Variants in MCC observed in about 807,000 individuals in gnomAD.
The protein encoded by MCC is colorectal mutant cancer protein.
In MCC, 90 loss-of-function variants were observed where a neutral mutation model predicts 116.2. That is an observed-to-expected ratio of 0.77 (90% CI 0.65 to 0.92). The LOEUF is 0.92. Ranked by LOEUF, MCC falls within the 40% of genes least tolerant of loss-of-function variation. MCC has a pLI of 0.00. For synonymous variants in MCC, 578 were observed against 510.5 expected (o/e 1.13, Z -1.78); for missense variants, 1,516 against 1,312.2 (o/e 1.16, Z -2.40).
chr5:113,122,931 A>G (rs1757824348), intron 5 of MCC, 105 bp from the exon 6 acceptor site: 1 of 1,207,054 alleles, frequency 8.3e-7, no homozygotes, highest in East Asian at 2.4e-5. Flanking sequence ...GAGAAAACAG[A>G]TTTCTCCCCC....
chr5:113,421,127 G>A (rs1024822083), intron 1 of MCC, among the ~76,000 whole-genome samples: 3 of 151,898 alleles, frequency 2.0e-5, no homozygotes, highest in Non-Finnish European at 4.4e-5. Flanking sequence ...AGGTTCAAGC[G>A]AGTCTCCTGC....
chr5:113,393,903 G>C (rs1339662861), intron 1 of MCC, among the ~76,000 whole-genome samples: 2 of 152,182 alleles, frequency 1.3e-5, no homozygotes, highest in East Asian at 1.9e-4. Context: ...TGCTATCTTA[G>C]AGTCATATCC....
intron 14 of MCC, among the ~76,000 whole-genome samples, chr5:113,056,753 A>C (rs1007327701): frequency 6.6e-6 from 1 of 152,242 alleles, no homozygotes; most frequent in Non-Finnish European, 1.5e-5. Flanking sequence ...AGAAATGTTT[A>C]CAACAGTGCC....
intron 3 of MCC, among the ~76,000 whole-genome samples, chr5:113,207,227 C>T (rs952472206): frequency 1.3e-5 from 2 of 152,122 alleles, no homozygotes; most frequent in African/African-American, 2.4e-5. Flanking sequence ...AGTTATGCAA[C>T]GGTGGGCAAA....
chr5:113,024,249 T>C lies in MCC; in HGVS notation c.*3053A>G, dbSNP rs1750371569. The C allele has an allele frequency of 6.6e-6, 1 of 152,222 alleles. No individual in the cohort carries two copies. Among genetic ancestry groups the C allele is most frequent in the Non-Finnish European group, 1.5e-5 (1 of 68,028 alleles). The allele number at this position is 152,222 out of a possible 1,614,324, so 9.4% of individuals were successfully genotyped here. ...AGTGCTAGTTAAACATAACATTTGT[T>C]TCAGGCAGCATGGATATTAACTTCA... On this transcript the variant is annotated 3_prime_UTR_variant, in exon 19 of 19. Coordinates refer to ENST00000408903, the MANE Select transcript of MCC (RefSeq NM_001085377.2).
chr5:113,475,540 T>C (rs1411049432), intron 1 of MCC, among the ~76,000 whole-genome samples: 1 of 152,224 alleles, frequency 6.6e-6, no homozygotes, highest in African/African-American at 2.4e-5. Context: ...AACTGGCATT[T>C]TGAAATGACA....
intron 3 of MCC, among the ~76,000 whole-genome samples, chr5:113,197,636 A>G (rs56342314): frequency 0.24 from 36,962 of 152,172 alleles, 4,657 homozygotes; most frequent in African/African-American, 0.29. Context: ...ACAACTACTG[A>G]TGGCATCAAA....
intron 3 of MCC, among the ~76,000 whole-genome samples, chr5:113,177,798 A>G (rs1413472661): frequency 6.6e-6 from 1 of 152,190 alleles, no homozygotes; most frequent in Non-Finnish European, 1.5e-5. Flanking sequence ...AAGTGGGTAC[A>G]CAGTCTTCAT....
intron 3 of MCC, among the ~76,000 whole-genome samples, chr5:113,243,308 A>G (rs1017863236): frequency 1.3e-5 from 2 of 152,178 alleles, no homozygotes; most frequent in Admixed American, 6.5e-5. Context: ...TTATTAAAAG[A>G]AACAATTACT....
At chr5:113,210,757 G>T (rs535984471) in intron 3 of MCC, among the ~76,000 whole-genome samples, 174 of 152,308 alleles carry the variant, frequency 1.1e-3, no homozygotes, top group African/African-American at 4.0e-3. Flanking sequence ...AATTTACTTT[G>T]AAAGAGTGTT....
intron 8 of MCC, among the ~76,000 whole-genome samples, chr5:113,097,001 G>A (rs6874220): frequency 6.6e-6 from 1 of 151,994 alleles, no homozygotes; most frequent in South Asian, 2.1e-4. Flanking sequence ...ACAGGACTTG[G>A]TTTTACAGAA....
chr5:113,077,542 G>A (rs1214618883), intron 11 of MCC, among the ~76,000 whole-genome samples: 1 of 152,164 alleles, frequency 6.6e-6, no homozygotes, highest in Admixed American at 6.5e-5. Flanking sequence ...TGAACAACCT[G>A]CTCCTGAATG....
chr5:113,230,033 A>C (rs1763885842), intron 3 of MCC, among the ~76,000 whole-genome samples: 1 of 152,198 alleles, frequency 6.6e-6, no homozygotes, highest in Non-Finnish European at 1.5e-5. Flanking sequence ...GTGTAGTCAA[A>C]GGATGGAAGC....
At chr5:113,038,402 GTTA>G (rs1186500594) in intron 17 of MCC, among the ~76,000 whole-genome samples, 1 of 152,138 alleles carries the variant, frequency 6.6e-6, no homozygotes, top group Non-Finnish European at 1.5e-5. Flanking sequence ...GGGACTGAGG[GTTA>G]AGGAGGGGAG....
intron 3 of MCC, among the ~76,000 whole-genome samples, chr5:113,316,171 G>A (rs374531008): frequency 7.3e-5 from 11 of 150,968 alleles, no homozygotes; most frequent in African/African-American, 2.0e-4. Flanking sequence ...CAGGAGAATC[G>A]CTTGAACCCA....
chr5:113,085,179 G>A lies in MCC; in HGVS notation c.1530C>T (p.Asp510=). 1 of 1,614,220 alleles carries A rather than the reference G, an allele frequency of 6.2e-7. No individual in the cohort carries two copies. Among genetic ancestry groups the A allele is most frequent in the Non-Finnish European group, 8.5e-7 (1 of 1,180,040 alleles). ...AGGAACTCACCTTGGCGATGGGAAT[G>A]TCATTGCTGCTGCTGCTTGTGCTCA... is the stretch of plus-strand genomic sequence containing the variant. ...GELSTSSSSN[D]IPIAKIAERV... The change falls in exon 9 of 19, where the codon GAC becomes GAT. Residue 510 remains aspartate, a synonymous_variant. Coordinates refer to ENST00000408903, the MANE Select transcript of MCC (RefSeq NM_001085377.2).
At chr5:113,068,694 TGTC>T (rs1753802534) in intron 12 of MCC, among the ~76,000 whole-genome samples, 1 of 152,358 alleles carries the variant, frequency 6.6e-6, no homozygotes, top group Admixed American at 6.5e-5. Flanking sequence ...GCAGGCCAGC[TGTC>T]GTGTCTTCAA....
intron 3 of MCC, among the ~76,000 whole-genome samples, chr5:113,194,394 G>C (rs560648642): frequency 2.6e-5 from 4 of 152,158 alleles, no homozygotes; most frequent in Non-Finnish European, 5.9e-5. Context: ...GGTCTGCGTG[G>C]GGGCTCACTC....
At chr5:113,276,472 C>T (rs1044026718) in intron 3 of MCC, among the ~76,000 whole-genome samples, 1 of 152,162 alleles carries the variant, frequency 6.6e-6, no homozygotes, top group Admixed American at 6.5e-5. Flanking sequence ...TCTCTCCTCC[C>T]CCACTTTCCT....
Sources: gnomAD v4.1 joint callset for allele counts (sites outside exome capture counted in the v4.1 genomes callset) on GRCh38, gnomAD v4.1.1 for gene constraint, MANE v1.5 for transcripts, NCBI Gene and HGNC (gene_info 2026-07-23, HGNC 2026-07-21) for gene names.